TTC28: variants seen among roughly 807,000 people sequenced by gnomAD.
The protein encoded by TTC28 is tetratricopeptide repeat protein 28.
A neutral mutation model predicts 198.0 loss-of-function variants in TTC28; 61 were observed. The ratio of observed to expected loss-of-function variants is 0.31; its 90% CI spans 0.25 to 0.38. TTC28 has a LOEUF of 0.38. Ranked by LOEUF, TTC28 falls within the 10% of genes least tolerant of loss-of-function variation. The pLI, the probability that TTC28 is intolerant of heterozygous loss-of-function variation, is 1.00. For synonymous variants in TTC28, 1,171 were observed against 1,297.8 expected, an observed-to-expected ratio of 0.90 and a Z score of 2.10; for missense variants, 2,678 against 3,164.0, an observed-to-expected ratio of 0.85 and a Z score of 3.69.
At chr22:28,039,323 T>C (rs1392090833) in intron 12 of TTC28, among the ~76,000 whole-genome samples, 2 of 152,064 alleles carry the variant, frequency 1.3e-5, no homozygotes, top group South Asian at 2.1e-4. Flanking sequence ...ATATACACCA[T>C]GGAATACTAT....
chr22:28,640,001 A>C (rs1342837807), intron 1 of TTC28, among the ~76,000 whole-genome samples: 1 of 152,178 alleles, frequency 6.6e-6, no homozygotes, highest in Non-Finnish European at 1.5e-5. Context: ...GGAAGATAAG[A>C]AACAGAAAAA....
intron 5 of TTC28, among the ~76,000 whole-genome samples, 197 bp from the exon 6 acceptor site, chr22:28,163,796 T>G (rs922065660): frequency 2.0e-5 from 3 of 151,656 alleles, no homozygotes; most frequent in Admixed American, 2.0e-4. Context: ...CACTGGGGAG[T>G]GCCGGACAGT....
chr22:28,182,340 G>C (rs73882704), intron 5 of TTC28, among the ~76,000 whole-genome samples: 10,914 of 152,152 alleles, frequency 0.072, 446 homozygotes, highest in South Asian at 0.09. Flanking sequence ...ACATTATTCT[G>C]TAGGGGGTTG....
intron 2 of TTC28, among the ~76,000 whole-genome samples, chr22:28,482,419 A>T (rs1343118550): frequency 6.6e-6 from 1 of 151,896 alleles, no homozygotes; most frequent in East Asian, 1.9e-4. Flanking sequence ...CGTGTTAGCC[A>T]GGATGGTCTC....
intron 1 of TTC28, among the ~76,000 whole-genome samples, chr22:28,654,057 GAGA>G (rs921152519): frequency 2.0e-5 from 3 of 152,156 alleles, no homozygotes; most frequent in Admixed American, 2.0e-4. Context: ...AGAGAGAAGA[GAGA>G]AGGATAGATG....
chr22:28,434,132 A>G (rs183551748), intron 2 of TTC28, among the ~76,000 whole-genome samples: 115 of 152,340 alleles, frequency 7.5e-4, no homozygotes, highest in African/African-American at 2.6e-3. Flanking sequence ...CAACATGGAA[A>G]GAAAAATAAA....
At chr22:28,468,672 C>T (rs77539582) in intron 2 of TTC28, among the ~76,000 whole-genome samples, 2 of 150,934 alleles carry the variant, frequency 1.3e-5, no homozygotes, top group African/African-American at 2.4e-5. Context: ...TACAGGTGCC[C>T]GCCAACTCGC....
chr22:28,467,078 G>A (rs2048032395), intron 2 of TTC28, among the ~76,000 whole-genome samples: 1 of 152,094 alleles, frequency 6.6e-6, no homozygotes, highest in Non-Finnish European at 1.5e-5. Flanking sequence ...CTAATAACTG[G>A]AATTCTTGAA....
intron 18 of TTC28, chr22:27,993,084 C>T (rs1937475151): frequency 6.6e-6 from 4 of 602,552 alleles, no homozygotes; most frequent in Non-Finnish European, 8.6e-6. Flanking sequence ...CCTGCCATCA[C>T]AGATGGAAAC....
chr22:28,631,600 T>G (rs1460262594), intron 1 of TTC28, among the ~76,000 whole-genome samples: 2 of 152,112 alleles, frequency 1.3e-5, no homozygotes, highest in East Asian at 1.9e-4. Context: ...CAGAGCTCAC[T>G]GCAGCCTCAA....
In TTC28 at chr22:28,001,559, G is replaced by A; in HGVS notation, c.4219-6C>T. On this transcript the variant is annotated splice_region_variant and splice_polypyrimidine_tract_variant and intron_variant, in intron 14 of 22. Coordinates refer to ENST00000397906, the MANE Select transcript of TTC28 (RefSeq NM_001145418.2). ...CCGCTGGAGTGCATCAGGCCCTATGGAGCAAGCACGGAGAGGCTGACATGG... is the reference window on the plus strand; with the variant it reads ...CCGCTGGAGTGCATCAGGCCCTATGAAGCAAGCACGGAGAGGCTGACATGG... The A allele has an allele frequency of 6.5e-7, 1 of 1,547,150 alleles. No individual in the cohort carries two copies. Among genetic ancestry groups the A allele is most frequent in the African/African-American group, 1.4e-5 (1 of 73,108 alleles).
rs568144291 is a variant in TTC28, at chr22:28,350,951, G to C, written c.382-44308C>G. Among the ~76,000 whole-genome samples, 320 of 152,292 alleles carry C rather than the reference G, an allele frequency of 2.1e-3. 2 individuals carry two copies. Among genetic ancestry groups the C allele is most frequent in the African/African-American group, 7.2e-3 (300 of 41,564 alleles). ...TAATCCCAGCACTTTGGGAGGCTGA[G>C]GCAGGCGGATCACAAGGTCAGGAGA... On this transcript the variant is annotated intron_variant, in intron 2 of 22. Coordinates refer to ENST00000397906, the MANE Select transcript of TTC28 (RefSeq NM_001145418.2).
At chr22:28,334,803 G>A (rs2045681200) in intron 2 of TTC28, among the ~76,000 whole-genome samples, 1 of 152,164 alleles carries the variant, frequency 6.6e-6, no homozygotes, top group South Asian at 2.1e-4. Context: ...TAGGTTGCCT[G>A]TTCACGCTGA....
chr22:28,534,806 G>A (rs180780082), intron 2 of TTC28, among the ~76,000 whole-genome samples: 1,701 of 152,060 alleles, frequency 0.011, 30 homozygotes, highest in African/African-American at 0.039. Context: ...GCAAACTATC[G>A]CAAGGAAAGA....
chr22:28,562,734 T>C (rs1219201192), intron 2 of TTC28, among the ~76,000 whole-genome samples: 1 of 152,204 alleles, frequency 6.6e-6, no homozygotes, highest in Non-Finnish European at 1.5e-5. Context: ...TCACAAATCT[T>C]ACCATCAAAA....
At chr22:28,168,107 C>T (rs914394966) in intron 5 of TTC28, among the ~76,000 whole-genome samples, 3 of 152,188 alleles carry the variant, frequency 2.0e-5, no homozygotes, top group Non-Finnish European at 4.4e-5. Flanking sequence ...AGGAATTCAA[C>T]TTACAAGGGA....
intron 2 of TTC28, among the ~76,000 whole-genome samples, chr22:28,537,595 C>T (rs938090950): frequency 1.1e-4 from 17 of 151,592 alleles, no homozygotes; most frequent in Admixed American, 2.6e-4. Flanking sequence ...GACCAAGAAG[C>T]GTAAAAGATT....
intron 2 of TTC28, among the ~76,000 whole-genome samples, chr22:28,392,547 C>A (rs1263766964): frequency 6.6e-6 from 1 of 152,136 alleles, no homozygotes; most frequent in Non-Finnish European, 1.5e-5. Context: ...TCTCCTGGTG[C>A]GCCATTTTTT....
At chr22:28,027,804 G>A (rs1045427017) in intron 13 of TTC28, among the ~76,000 whole-genome samples, 3 of 152,268 alleles carry the variant, frequency 2.0e-5, no homozygotes, top group African/African-American at 7.2e-5. Context: ...CCACAGCAGG[G>A]CAGGGACAGG....
Sources: gnomAD v4.1 joint callset for allele counts (sites outside exome capture counted in the v4.1 genomes callset) on GRCh38, gnomAD v4.1.1 for gene constraint, MANE v1.5 for transcripts, NCBI Gene and HGNC (gene_info 2026-07-23, HGNC 2026-07-21) for gene names.